Variants in DCBLD2 observed in about 807,000 individuals in gnomAD.
The protein encoded by DCBLD2 is discoidin, CUB and LCCL domain-containing protein 2.
DCBLD2 carries 54 observed loss-of-function variants against 86.8 expected under a neutral mutation model. That is an observed-to-expected ratio of 0.62 (90% CI 0.50 to 0.78). The LOEUF (loss-of-function observed/expected upper bound fraction) is 0.78. DCBLD2 is among the 30% of genes least tolerant of loss of function. The pLI, the probability that DCBLD2 is intolerant of heterozygous loss-of-function variation, is 0.00. For synonymous variants in DCBLD2, 354 were observed against 341.3 expected, an observed-to-expected ratio of 1.04 and a Z score of -0.41; for missense variants, 908 against 954.2, an observed-to-expected ratio of 0.95 and a Z score of 0.64.
At chr3:98,810,372 G>A (rs1941917904) in intron 12 of DCBLD2, among the ~76,000 whole-genome samples, 1 of 152,158 alleles carries the variant, frequency 6.6e-6, no homozygotes, top group African/African-American at 2.4e-5. Flanking sequence ...AACCAACATG[G>A]GGAAAGTCAG....
chr3:98,843,635 TA>T (rs1942660529), intron 3 of DCBLD2, among the ~76,000 whole-genome samples: 1 of 152,200 alleles, frequency 6.6e-6, no homozygotes, highest in African/African-American at 2.4e-5. Context: ...ATGATGTGGT[TA>T]AAAAATGCAG....
At position 98,807,306 on chromosome 3, in the gene DCBLD2, T is replaced by C. The variant is rs181595583; in HGVS notation, c.1670+775A>G. Among the ~76,000 whole-genome samples, 4 of 152,276 alleles carry C rather than the reference T, an allele frequency of 2.6e-5. No individual in the cohort carries two copies. In the South Asian group the frequency reaches 6.2e-4, roughly 24 times the overall value. On this transcript the variant is annotated intron_variant, in intron 13 of 15. Transcript: ENST00000326840. ...TATTTGCATCTCTCCAAAATTCATATGTTGAAATCCTAACCCCCGTTAGAA... is the reference window on the plus strand; with the variant it reads ...TATTTGCATCTCTCCAAAATTCATACGTTGAAATCCTAACCCCCGTTAGAA...
chr3:98,820,813 G>T, intron 6 of DCBLD2: 1 of 145,444 alleles, frequency 6.9e-6, no homozygotes. Context: ...CATGGAAGAA[G>T]TTTCAGTGTA....
At chr3:98,813,981 C>T (rs1941982687) in intron 9 of DCBLD2, 2 of 152,158 alleles carry the variant, frequency 1.3e-5, no homozygotes, top group African/African-American at 4.8e-5. Context: ...CCTGTTTGTT[C>T]TCTAGGTCAG....
At chr3:98,840,909 A>G (rs1576175609) in intron 3 of DCBLD2, among the ~76,000 whole-genome samples, 1 of 152,236 alleles carries the variant, frequency 6.6e-6, no homozygotes, top group Non-Finnish European at 1.5e-5. Flanking sequence ...CATATGGTAC[A>G]CTTCATTTGG....
At chr3:98,845,206 A>C (rs1343788521) in intron 3 of DCBLD2, among the ~76,000 whole-genome samples, 2 of 152,190 alleles carry the variant, frequency 1.3e-5, no homozygotes, top group Non-Finnish European at 2.9e-5. Context: ...TTGCTCAAAG[A>C]TCATTAAAAA....
At chr3:98,818,464 T>A (rs1378568528) in intron 8 of DCBLD2, among the ~76,000 whole-genome samples, 1 of 152,162 alleles carries the variant, frequency 6.6e-6, no homozygotes, top group Non-Finnish European at 1.5e-5. Context: ...AAGAGTCTCA[T>A]TACAATGGAA....
chr3:98,869,430 A>G (rs1426134293), intron 2 of DCBLD2, among the ~76,000 whole-genome samples: 14 of 152,170 alleles, frequency 9.2e-5, no homozygotes, highest in East Asian at 1.9e-4. Context: ...CTTTTGCTGT[A>G]CAAAGCTTTT....
intron 3 of DCBLD2, among the ~76,000 whole-genome samples, chr3:98,828,569 A>G (rs934856407): frequency 6.6e-6 from 1 of 152,212 alleles, no homozygotes; most frequent in Admixed American, 6.5e-5. Context: ...ACTGGCAAAA[A>G]TGTGGAGAAA....
intron 2 of DCBLD2, among the ~76,000 whole-genome samples, chr3:98,878,932 G>A (rs1943415456): frequency 6.6e-6 from 1 of 152,114 alleles, no homozygotes; most frequent in Non-Finnish European, 1.5e-5. Flanking sequence ...ATGAAGTCTG[G>A]GCAGGTTCAA....
chr3:98,801,062 C>G (rs1941709459), intron 14 of DCBLD2, among the ~76,000 whole-genome samples: 1 of 152,216 alleles, frequency 6.6e-6, no homozygotes, highest in Non-Finnish European at 1.5e-5. Context: ...ATCCTAGCCA[C>G]AGCAGTGAAC....
chr3:98,899,260 CTTTTTTT>C (rs10605926), intron 1 of DCBLD2, among the ~76,000 whole-genome samples: 3 of 101,752 alleles, frequency 2.9e-5, no homozygotes, highest in South Asian at 3.6e-4. Flanking sequence ...ATTTCTTTTT[CTTTTTTT>C]TTTTTTTTTT....
chr3:98,853,778 T>C (rs1942881774), intron 2 of DCBLD2, among the ~76,000 whole-genome samples: 1 of 152,210 alleles, frequency 6.6e-6, no homozygotes, highest in South Asian at 2.1e-4. Context: ...ATTTATGTTC[T>C]CAATTAAATG....
At chr3:98,802,202 T>A (rs913933115) in intron 13 of DCBLD2, among the ~76,000 whole-genome samples, 5 of 152,198 alleles carry the variant, frequency 3.3e-5, no homozygotes, top group Non-Finnish European at 5.9e-5. Context: ...TTTCTCCACA[T>A]CCTCTCCAGC....
chr3:98,853,994 T>C (rs1400494225), intron 2 of DCBLD2, among the ~76,000 whole-genome samples: 1 of 152,070 alleles, frequency 6.6e-6, no homozygotes, highest in Non-Finnish European at 1.5e-5. Context: ...GTTTTTTTTT[T>C]CTTTTTTTAA....
At chr3:98,839,297 T>G (rs1391755094) in intron 3 of DCBLD2, among the ~76,000 whole-genome samples, 1 of 151,868 alleles carries the variant, frequency 6.6e-6, no homozygotes, top group Non-Finnish European at 1.5e-5. Flanking sequence ...CAGGCTGGAA[T>G]GCAGTCGAGT....
intron 2 of DCBLD2, among the ~76,000 whole-genome samples, chr3:98,861,681 G>T (rs1018178589): frequency 3.3e-5 from 5 of 152,036 alleles, no homozygotes; most frequent in African/African-American, 1.2e-4. Flanking sequence ...AAACCAACGA[G>T]AACAAAGACA....
At chr3:98,851,304 G>A (rs10589669) in intron 2 of DCBLD2, among the ~76,000 whole-genome samples, 8,115 of 140,236 alleles carry the variant, frequency 0.058, 280 homozygotes, top group Non-Finnish European at 0.072. Context: ...ACCAATAACA[G>A]ACAGAGAGCC....
chr3:98,881,885 CTTTCTATTTTATTTTT>C, intron 1 of DCBLD2, 118 bp from the exon 2 acceptor site: 1 of 1,001,530 alleles, frequency 1.0e-6, no homozygotes. Flanking sequence ...ACCACCCATA[CTTTCTATTTTATTTTT>C]TTTAATGGAC....
Sources: gnomAD v4.1 joint callset for allele counts (sites outside exome capture counted in the v4.1 genomes callset) on GRCh38, gnomAD v4.1.1 for gene constraint, MANE v1.5 for transcripts, NCBI Gene and HGNC (gene_info 2026-07-23, HGNC 2026-07-21) for gene names.